Variants in MEIOC observed in about 807,000 individuals in gnomAD.
MEIOC encodes the protein meiosis specific with coiled-coil domain.
Under a neutral mutation model 85.3 loss-of-function variants are expected in MEIOC, and 9 were observed. That is an observed-to-expected ratio of 0.11 (90% CI 0.06 to 0.18). The LOEUF (loss-of-function observed/expected upper bound fraction) is 0.18. MEIOC is among the 10% of genes least tolerant of loss of function. The pLI, the probability that MEIOC is intolerant of heterozygous loss-of-function variation, is 1.00. For missense variants in MEIOC, 898 were observed against 1,129.4 expected (o/e 0.80, Z 2.94); for synonymous variants, 365 against 393.7 (o/e 0.93, Z 0.86).
At chr17:44,673,819 A>T in intron 7 of MEIOC, 157 bp from the exon 8 acceptor site, 1 of 871,566 alleles carries the variant, frequency 1.1e-6, no homozygotes, top group Non-Finnish European at 1.7e-6. Flanking sequence ...TAAATATTTT[A>T]ATGATAAAGG....
At chr17:44,668,881 C>G (rs1266742861) in intron 5 of MEIOC, among the ~76,000 whole-genome samples, 1 of 152,132 alleles carries the variant, frequency 6.6e-6, no homozygotes, top group Non-Finnish European at 1.5e-5. Context: ...GTAGTGTTAA[C>G]CTGTTGGTAT....
At chr17:44,659,693 T>A (rs771184311) in intron 2 of MEIOC, among the ~76,000 whole-genome samples, 4 of 152,262 alleles carry the variant, frequency 2.6e-5, no homozygotes, top group Non-Finnish European at 4.4e-5. Flanking sequence ...CATTACATAA[T>A]CTGAAAATGT....
Position 44,674,850 on chromosome 17 carries a change from T to TA in MEIOC, c.*655dup. 3 of 982,248 alleles carry TA rather than the reference T, an allele frequency of 3.1e-6. No individual in the cohort carries two copies. Among genetic ancestry groups the TA allele is most frequent in the Non-Finnish European group, 3.6e-6 (3 of 827,004 alleles). 60.8% of individuals were successfully genotyped at this position (982,248 alleles called of 1,614,324 possible). ...GTGTCAGTGTAAAAACCATGCAAGT[T>TA]ACTGAATATAAAACCTATTCAGATC... is the stretch of plus-strand genomic sequence containing the variant. On this transcript the variant is annotated 3_prime_UTR_variant, in exon 8 of 8. Coordinates refer to ENST00000409122, the MANE Select transcript of MEIOC (RefSeq NM_001145080.3).
intron 6 of MEIOC, among the ~76,000 whole-genome samples, chr17:44,672,146 A>C (rs1184423512): frequency 1.3e-5 from 2 of 151,596 alleles, no homozygotes. Flanking sequence ...ACACCCGACT[A>C]ATTTTTTGTA....
In MEIOC at chr17:44,667,551, A is replaced by G. The variant is rs138599725; in HGVS notation, c.1640A>G (p.Asp547Gly). Residue 547 changes from aspartate (D) to glycine (G), a missense_variant, in exon 5 of 8, where the codon GAT becomes GGT. Transcript: ENST00000409122. ...AACCCTTCAGCATTTTCTAGTTTTG[A>G]TTTTAGTTACAGTGGTGCAGAAAGA... is the stretch of plus-strand genomic sequence containing the variant. Reference protein sequence around the residue: ...QENPSAFSSFDFSYSGAERIQ... With the variant: ...QENPSAFSSFGFSYSGAERIQ... 20 of 1,613,802 alleles carry G rather than the reference A, an allele frequency of 1.2e-5. No individual in the cohort carries two copies. The highest frequency in any genetic ancestry group is 1.2e-4 in the Admixed American group (7 of 59,990).
Position 44,666,586 on chromosome 17 carries a change from T to G in MEIOC, c.675T>G (p.His225Gln), listed in dbSNP as rs924875161. ...TPQQKIDELH[H>Q]GFTGLDLEEQ... Reference sequence around the variant, plus strand: ...AACAAAAAATAGATGAACTTCATCATGGATTTACTGGTTTAGATCTTGAAG... The same window carrying G: ...AACAAAAAATAGATGAACTTCATCAGGGATTTACTGGTTTAGATCTTGAAG... Residue 225 changes from histidine to glutamine, a missense_variant, in exon 5 of 8, where the codon CAT becomes CAG. Transcript: ENST00000409122. The G allele has an allele frequency of 6.2e-7, 1 of 1,610,602 alleles. No individual in the cohort carries two copies. The highest frequency in any genetic ancestry group is 1.3e-5 in the African/African-American group (1 of 74,904).
intron 3 of MEIOC, among the ~76,000 whole-genome samples, chr17:44,663,652 A>G (rs1238966782): frequency 6.6e-6 from 1 of 152,204 alleles, no homozygotes; most frequent in Non-Finnish European, 1.5e-5. Context: ...AGAAAAGTGA[A>G]AGTCTGTCTT....
At chr17:44,676,925 G>A, downstream of MEIOC, 5 of 983,960 alleles carry the variant, frequency 5.1e-6, no homozygotes, top group Non-Finnish European at 6.0e-6. Context: ...AGCCTAATGA[G>A]CTGATCCTCT....
intron 2 of MEIOC, among the ~76,000 whole-genome samples, chr17:44,658,346 G>C (rs1390737630): frequency 6.6e-6 from 1 of 150,842 alleles, no homozygotes; most frequent in Non-Finnish European, 1.5e-5. Flanking sequence ...TAGTAGATAC[G>C]GGGTTTCACT....
chr17:44,656,509 G>T lies in MEIOC; in HGVS notation c.-105G>T. 1 of 950,350 alleles carries T rather than the reference G, an allele frequency of 1.1e-6. No individual in the cohort carries two copies. Among genetic ancestry groups the T allele is most frequent in the African/African-American group, 1.7e-5 (1 of 57,534 alleles). 58.9% of individuals were successfully genotyped at this position (950,350 alleles called of 1,614,324 possible). A position where few individuals can be genotyped will look rare whatever the true frequency, so the allele number is the denominator to read the frequency against. ...GCGCCCGGGCGGCGGAGGCGGCTGC[G>T]GAGACGGCGGGGTGCGGGCTGAGGG... On this transcript the variant is annotated 5_prime_UTR_variant, in exon 1 of 8. Coordinates refer to ENST00000409122, the MANE Select transcript of MEIOC (RefSeq NM_001145080.3).
chr17:44,675,892 T>A, downstream of MEIOC: 1 of 422,418 alleles, frequency 2.4e-6, no homozygotes, highest in Non-Finnish European at 3.2e-6. Flanking sequence ...GAACTTATAC[T>A]AAGTTTTAGA....
In MEIOC at chr17:44,675,404, C is replaced by A; in HGVS notation, c.*1208C>A. ...AGATCTTGGGTTTTAACATTTCTAG[C>A]ATGAGTTAAACTATAATGTACTGAT... On this transcript the variant is annotated 3_prime_UTR_variant, in exon 8 of 8. Coordinates refer to ENST00000409122, the MANE Select transcript of MEIOC (RefSeq NM_001145080.3). The A allele has an allele frequency of 1.0e-6, 1 of 970,404 alleles. No homozygotes were observed. Among genetic ancestry groups the A allele is most frequent in the Non-Finnish European group, 1.2e-6 (1 of 816,438 alleles). 60.1% of individuals were successfully genotyped at this position (970,404 alleles called of 1,614,324 possible).
chr17:44,670,710 T>G (rs1310512380), intron 6 of MEIOC: 1 of 151,596 alleles, frequency 6.6e-6, no homozygotes, highest in Non-Finnish European at 1.5e-5. Flanking sequence ...ATCTAATTTT[T>G]GTATTTTTTA....
intron 5 of MEIOC, among the ~76,000 whole-genome samples, chr17:44,668,866 ATTTTGT>A (rs1971953993): frequency 1.1e-4 from 16 of 152,144 alleles, no homozygotes; most frequent in Admixed American, 1.0e-3. Context: ...ATTTCTTTGA[ATTTTGT>A]AGTGTTAACC....
intron 3 of MEIOC, 101 bp downstream of exon 3, chr17:44,662,572 A>ATTGTGGCAT: frequency 1.2e-6 from 1 of 838,450 alleles, no homozygotes; most frequent in Non-Finnish European, 1.8e-6. Flanking sequence ...TCATTTTACT[A>ATTGTGGCAT]TTGTGGCATT....
At chr17:44,658,523 C>A (rs1971800082) in intron 2 of MEIOC, among the ~76,000 whole-genome samples, 1 of 151,358 alleles carries the variant, frequency 6.6e-6, no homozygotes, top group Admixed American at 6.6e-5. Flanking sequence ...GGCCGGGCGC[C>A]ATGGCTCGTG....
intron 7 of MEIOC, 111 bp from the exon 8 acceptor site, chr17:44,673,865 T>C (rs1972041926): frequency 7.7e-7 from 1 of 1,299,294 alleles, no homozygotes; most frequent in East Asian, 2.5e-5. Flanking sequence ...TATCCTTTTT[T>C]TACAAAAATA....
Position 44,668,151 on chromosome 17 carries a change from G to A in MEIOC, c.2240G>A (p.Arg747His), listed in dbSNP as rs140839045. Residue 747 changes from arginine (R) to histidine (H), a missense_variant, in exon 5 of 8, where the codon CGT (arginine) becomes CAT (histidine). Arg to His is a conservative substitution (Grantham distance 29). Coordinates refer to ENST00000409122, the MANE Select transcript of MEIOC (RefSeq NM_001145080.3). Reference protein sequence around the residue: ...TFGFQRPIKTRSGPASELHIR... With the variant: ...TFGFQRPIKTHSGPASELHIR... Reference sequence around the variant, plus strand: ...GGATTTCAAAGACCAATTAAAACCCGTAGTGGACCAGCCAGTGAACTTCAT... The same window carrying A: ...GGATTTCAAAGACCAATTAAAACCCATAGTGGACCAGCCAGTGAACTTCAT... 19 of 1,613,838 alleles carry A rather than the reference G, an allele frequency of 1.2e-5. No homozygotes were observed. The highest frequency in any genetic ancestry group is 1.6e-4 in the Middle Eastern group (1 of 6,084).
At chr17:44,672,332 T>A (rs867244795) in intron 6 of MEIOC, among the ~76,000 whole-genome samples, 1 of 152,244 alleles carries the variant, frequency 6.6e-6, no homozygotes, top group Non-Finnish European at 1.5e-5. Flanking sequence ...AATTATTGTC[T>A]TATTTAAAAA....
Sources: gnomAD v4.1 joint callset for allele counts (sites outside exome capture counted in the v4.1 genomes callset) on GRCh38, gnomAD v4.1.1 for gene constraint, MANE v1.5 for transcripts, NCBI Gene and HGNC (gene_info 2026-07-23, HGNC 2026-07-21) for gene names.